HSPA13: variants seen among roughly 807,000 people sequenced by gnomAD.
HSPA13 encodes heat shock protein family A (Hsp70) member 13.
Under a neutral mutation model 38.8 loss-of-function variants are expected in HSPA13, and 29 were observed. That is an observed-to-expected ratio of 0.75 (90% CI 0.56 to 1.02). HSPA13 has a LOEUF of 1.02. HSPA13 is among the 50% of genes least tolerant of loss of function. The pLI is 0.00. For synonymous variants in HSPA13, 192 were observed against 205.3 expected (o/e 0.94, Z 0.56); for missense variants, 451 against 560.9 (o/e 0.80, Z 1.98).
rs1982849937 is a variant in HSPA13 at position 14,372,450 on chromosome 21, T to C, written c.*1167A>G. On this transcript the variant is annotated 3_prime_UTR_variant, in exon 5 of 5. Transcript: ENST00000285667. ...AACAACTCTGCTCCAAATGCCGATT[T>C]GTAGAAACCTTGCCACAATGGCTTC... 1 of 152,150 alleles carries C rather than the reference T, an allele frequency of 6.6e-6. No homozygotes were observed. Among genetic ancestry groups the C allele is most frequent in the African/African-American group, 2.4e-5 (1 of 41,458 alleles). The allele number at this position is 152,150 out of a possible 1,614,324, so 9.4% of individuals were successfully genotyped here. A position where few individuals can be genotyped will look rare whatever the true frequency, so the allele number is the denominator to read the frequency against.
intron 2 of HSPA13, among the ~76,000 whole-genome samples, chr21:14,380,697 C>A (rs1038121574): frequency 6.6e-6 from 1 of 152,078 alleles, no homozygotes; most frequent in South Asian, 2.1e-4. Context: ...AAGGATATTA[C>A]CGGAATCTCC....
chr21:14,378,168 A>G, intron 3 of HSPA13, 31 bp downstream of exon 3: 1 of 1,555,876 alleles, frequency 6.4e-7, no homozygotes, highest in Non-Finnish European at 8.9e-7. Context: ...CAATTTTGAG[A>G]AAAATGCATC....
rs186535555 is a variant in HSPA13, at chr21:14,381,180, T to C, written c.366+23A>G. 3,890 of 1,518,994 alleles carry C rather than the reference T, an allele frequency of 2.6e-3. 38 individuals carry two copies. The African/African-American group carries it at 0.026, about 10-fold the overall frequency. 94.1% of individuals were successfully genotyped at this position (1,518,994 alleles called of 1,614,324 possible). A position where few individuals can be genotyped will look rare whatever the true frequency, so the allele number is the denominator to read the frequency against. Reference sequence around the variant, plus strand: ...CTAAAAGAGTACACTAAAATTAATATAGATTTTAGATTAATCACTTACCTT... The same window carrying C: ...CTAAAAGAGTACACTAAAATTAATACAGATTTTAGATTAATCACTTACCTT... On this transcript the variant is annotated intron_variant, in intron 2 of 4. Coordinates refer to ENST00000285667, the MANE Select transcript of HSPA13 (RefSeq NM_006948.5).
chr21:14,380,303 C>G (rs1315823272), intron 2 of HSPA13, among the ~76,000 whole-genome samples: 1 of 147,174 alleles, frequency 6.8e-6, no homozygotes, highest in South Asian at 2.1e-4. Context: ...GAAAAGATAA[C>G]AAAAACATAT....
rs114263796 is a variant in HSPA13 at position 14,377,800 on chromosome 21, C to T, written c.580+399G>A. ...CTGGACGCTTCCTGCCCTTGAACATCGGACTCTAAGTTCTTTAGCTTTTGG... is the reference window on the plus strand; with the variant it reads ...CTGGACGCTTCCTGCCCTTGAACATTGGACTCTAAGTTCTTTAGCTTTTGG... On this transcript the variant is annotated intron_variant, in intron 3 of 4. Coordinates refer to ENST00000285667, the MANE Select transcript of HSPA13 (RefSeq NM_006948.5). 2.5e-3 allele frequency among the ~76,000 whole-genome samples: 384 copies of T among 152,342 alleles called. 6 individuals are homozygous for T. Among genetic ancestry groups the T allele is most frequent in the African/African-American group, 8.8e-3 (367 of 41,586 alleles).
At chr21:14,379,216 T>G (rs1233001195) in intron 2 of HSPA13, among the ~76,000 whole-genome samples, 1 of 152,106 alleles carries the variant, frequency 6.6e-6, no homozygotes, top group Non-Finnish European at 1.5e-5. Flanking sequence ...TTGTTTCCCA[T>G]GAAAACATGT....
rs1008181580 is a variant in HSPA13 at position 14,371,987 on chromosome 21, C to A, written c.*1630G>T. On this transcript the variant is annotated 3_prime_UTR_variant, in exon 5 of 5. Coordinates refer to ENST00000285667, the MANE Select transcript of HSPA13 (RefSeq NM_006948.5). ...CAACAAACATTTTATACTTTTCTAT[C>A]TACCTACTATACATATTTTCTATAC... The A allele has an allele frequency of 1.3e-5, 2 of 152,488 alleles. No homozygotes were observed. The highest frequency in any genetic ancestry group is 4.8e-5 in the African/African-American group (2 of 41,436). The allele number at this position is 152,488 out of a possible 1,614,324, so 9.4% of individuals were successfully genotyped here.
intron 1 of HSPA13, among the ~76,000 whole-genome samples, chr21:14,382,394 G>A (rs1600807624): frequency 6.6e-6 from 1 of 152,188 alleles, no homozygotes; most frequent in South Asian, 2.1e-4. Context: ...TGCCCCTTTA[G>A]TTTTTAATGA....
rs779884462 is a variant in HSPA13, at chr21:14,378,296, T to G, written c.483A>C (p.Ala161=). 1.2e-6 allele frequency: 2 copies of G among 1,614,064 alleles called. No homozygotes were observed. The highest frequency in any genetic ancestry group is 1.7e-6 in the Non-Finnish European group (2 of 1,179,890). Residue 161 remains alanine (A), a synonymous_variant, in exon 3 of 5, where the codon GCA becomes GCC. Coordinates refer to ENST00000285667, the MANE Select transcript of HSPA13 (RefSeq NM_006948.5). ...CATTGGCAACTGGCATTCCAAGATA[T>G]GCCTCTGCCATTTCCTTTAACTTCA... The part of the protein sequence containing the change: ...LLLKLKEMAE[A]YLGMPVANAV...
chr21:14,376,289 C>T (rs907609892), intron 3 of HSPA13, among the ~76,000 whole-genome samples: 23 of 152,076 alleles, frequency 1.5e-4, no homozygotes, highest in Non-Finnish European at 2.6e-4. Flanking sequence ...GGCGGGCGCC[C>T]GTAGTCCCAG....
intron 1 of HSPA13, 121 bp from the exon 2 acceptor site, chr21:14,381,664 AT>A: frequency 1.2e-6 from 1 of 821,080 alleles, no homozygotes; most frequent in South Asian, 2.5e-5. Context: ...AAATTTCAAA[AT>A]TTTTTATAGG....
In HSPA13 at chr21:14,371,432, G is replaced by GT. The variant is rs1258793023; in HGVS notation, c.*2184dup. 1.3e-5 allele frequency: 2 copies of GT among 152,110 alleles called. No individual in the cohort carries two copies. The highest frequency in any genetic ancestry group is 2.4e-5 in the African/African-American group (1 of 41,444). The allele number at this position is 152,110 out of a possible 1,614,324, so 9.4% of individuals were successfully genotyped here. A position where few individuals can be genotyped will look rare whatever the true frequency, so the allele number is the denominator to read the frequency against. ...TTTTTTTATGAAAAGACTTCAGATT[G>GT]TTATTCATAAATGATCCCTTTCAGG... On this transcript the variant is annotated 3_prime_UTR_variant, in exon 5 of 5. Coordinates refer to ENST00000285667, the MANE Select transcript of HSPA13 (RefSeq NM_006948.5).
intron 1 of HSPA13, among the ~76,000 whole-genome samples, chr21:14,382,239 T>C (rs1490745264): frequency 6.6e-6 from 1 of 152,060 alleles, no homozygotes; most frequent in Admixed American, 6.5e-5. Flanking sequence ...GCAACATCTA[T>C]GAAAGCTTCT....
At chr21:14,377,698 G>C (rs543117119) in intron 3 of HSPA13, among the ~76,000 whole-genome samples, 1 of 152,298 alleles carries the variant, frequency 6.6e-6, no homozygotes, top group African/African-American at 2.4e-5. Context: ...GCCAGAGTGT[G>C]CCTGGAATAA....
At chr21:14,378,161 T>C (rs1374082035) in intron 3 of HSPA13, 38 bp downstream of exon 3, 17 of 1,533,170 alleles carry the variant, frequency 1.1e-5, no homozygotes, top group Non-Finnish European at 1.4e-5. Flanking sequence ...CCCAACACAA[T>C]TTTGAGAAAA....
intron 3 of HSPA13, among the ~76,000 whole-genome samples, chr21:14,376,614 A>G (rs17002684): frequency 0.048 from 7,292 of 152,206 alleles, 238 homozygotes; most frequent in Middle Eastern, 0.092. Context: ...TTCAAACTCT[A>G]AAGAATTATT....
intron 4 of HSPA13, among the ~76,000 whole-genome samples, 161 bp downstream of exon 4, chr21:14,375,491 A>T (rs963134757): frequency 7.8e-6 from 1 of 128,596 alleles, no homozygotes; most frequent in Non-Finnish European, 1.6e-5. Context: ...TTTTTCTGTA[A>T]TTTTTTTTTT....
rs1255474284 is a variant in HSPA13 at position 14,371,951 on chromosome 21, A to G, written c.*1666T>C. 6.6e-6 allele frequency: 1 copy of G among 152,556 alleles called. No individual in the cohort carries two copies. Among genetic ancestry groups the G allele is most frequent in the Non-Finnish European group, 1.5e-5 (1 of 67,948 alleles). 9.5% of individuals were successfully genotyped at this position (152,556 alleles called of 1,614,324 possible). On this transcript the variant is annotated 3_prime_UTR_variant, in exon 5 of 5. Coordinates refer to ENST00000285667, the MANE Select transcript of HSPA13 (RefSeq NM_006948.5). ...TTGGCATTTCTCCATTCATTCTAAA[A>G]TAAGATACTTCAACAAACATTTTAT...
Position 14,373,309 on chromosome 21 carries a change from A to C in HSPA13, c.*308T>G, listed in dbSNP as rs1982871180. On this transcript the variant is annotated 3_prime_UTR_variant, in exon 5 of 5. Coordinates refer to ENST00000285667, the MANE Select transcript of HSPA13 (RefSeq NM_006948.5). Reference sequence around the variant, plus strand: ...CTTAATGTTTATAGAATATAATGTTAAGTGCATATGGTTATCAACCTCCAG... The same window carrying C: ...CTTAATGTTTATAGAATATAATGTTCAGTGCATATGGTTATCAACCTCCAG... 4.0e-6 allele frequency: 1 copy of C among 250,910 alleles called. No individual in the cohort carries two copies. Among genetic ancestry groups the C allele is most frequent in the Non-Finnish European group, 7.7e-6 (1 of 130,082 alleles). 15.5% of individuals were successfully genotyped at this position (250,910 alleles called of 1,614,324 possible).
Sources: allele counts gnomAD v4.1 joint callset (sites outside exome capture counted in the v4.1 genomes callset), GRCh38; gene constraint gnomAD v4.1.1; transcripts MANE v1.5; gene names NCBI Gene and HGNC (gene_info 2026-07-23, HGNC 2026-07-21).